ZNF407: variants seen among roughly 807,000 people sequenced by gnomAD.
ZNF407 encodes the protein zinc finger protein 407.
ZNF407 carries 17 observed loss-of-function variants against 131.2 expected under a neutral mutation model. The ratio of observed to expected loss-of-function variants is 0.13; its 90% CI spans 0.09 to 0.19. The LOEUF is 0.19. ZNF407 is among the 10% of genes least tolerant of loss of function. The pLI is 1.00. For missense variants in ZNF407, 2,681 were observed against 2,830.6 expected, an observed-to-expected ratio of 0.95 and a Z score of 1.20; for synonymous variants, 1,156 against 1,062.0, an observed-to-expected ratio of 1.09 and a Z score of -1.72.
chr18:75,056,192 T>G (rs776296216), intron 8 of ZNF407, among the ~76,000 whole-genome samples: 7 of 152,330 alleles, frequency 4.6e-5, no homozygotes, highest in African/African-American at 7.2e-5. Flanking sequence ...CTGAGATAAA[T>G]CTCACTAGTT....
intron 7 of ZNF407, among the ~76,000 whole-genome samples, chr18:74,900,513 A>T (rs1226576019): frequency 6.6e-6 from 1 of 152,210 alleles, no homozygotes; most frequent in Non-Finnish European, 1.5e-5. Context: ...TGTTTCACTA[A>T]TTTAACAAGC....
At chr18:74,729,489 G>T (rs1262294918) in intron 3 of ZNF407, among the ~76,000 whole-genome samples, 2 of 151,816 alleles carry the variant, frequency 1.3e-5, no homozygotes, top group Non-Finnish European at 2.9e-5. Context: ...GTCAAGTGTG[G>T]TTTGTGTGTG....
chr18:75,058,777 A>C (rs992165212), intron 8 of ZNF407, among the ~76,000 whole-genome samples: 1 of 152,236 alleles, frequency 6.6e-6, no homozygotes, highest in African/African-American at 2.4e-5. Flanking sequence ...TACCCAGTAC[A>C]TTCTTGGTCA....
At chr18:75,022,943 G>A (rs8097915) in intron 8 of ZNF407, among the ~76,000 whole-genome samples, 24,776 of 152,140 alleles carry the variant, frequency 0.16, 2,202 homozygotes, top group Admixed American at 0.27. Flanking sequence ...ATGCTCATCA[G>A]TGATAGACTG....
At chr18:74,693,490 C>T (rs755540618) in intron 3 of ZNF407, among the ~76,000 whole-genome samples, 20 of 152,160 alleles carry the variant, frequency 1.3e-4, no homozygotes, top group Non-Finnish European at 2.6e-4. Context: ...AAAATCACTA[C>T]TTTCTCTTCA....
intron 4 of ZNF407, among the ~76,000 whole-genome samples, chr18:74,828,713 T>C (rs1417767254): frequency 7.7e-6 from 1 of 129,786 alleles, no homozygotes; most frequent in Non-Finnish European, 1.8e-5. Context: ...GTGGGAGCCA[T>C]GTTTCAGTTT....
In ZNF407 at chr18:75,049,105, G is replaced by T. The variant is rs796807329; in HGVS notation, c.5429-14045G>T. On this transcript the variant is annotated intron_variant, in intron 8 of 8. Transcript: ENST00000299687. ...GGTAGTATTTTTTTTTTTTGGGTGG[G>T]GGGGGGGTGGGGGAGTTGTTCGTCA... 1.6e-3 allele frequency among the ~76,000 whole-genome samples: 235 copies of T among 149,348 alleles called. 4 individuals are homozygous for T. The highest frequency in any genetic ancestry group is 5.7e-3 in the African/African-American group (226 of 39,704).
chr18:75,055,354 CTG>C (rs1027979081), intron 8 of ZNF407, among the ~76,000 whole-genome samples: 4 of 152,180 alleles, frequency 2.6e-5, no homozygotes, highest in Non-Finnish European at 5.9e-5. Flanking sequence ...CACGATCTCT[CTG>C]TGTAGCTCAC....
intron 8 of ZNF407, among the ~76,000 whole-genome samples, chr18:74,936,017 G>T (rs943003867): frequency 6.6e-6 from 1 of 152,140 alleles, no homozygotes; most frequent in Non-Finnish European, 1.5e-5. Flanking sequence ...CTCAATCAAA[G>T]AAGTAATTTT....
intron 3 of ZNF407, among the ~76,000 whole-genome samples, chr18:74,688,107 A>G (rs1280137743): frequency 6.6e-6 from 1 of 152,242 alleles, no homozygotes; most frequent in East Asian, 1.9e-4. Flanking sequence ...TATGGAATAC[A>G]AAGTTCCATA....
At position 74,682,426 on chromosome 18, in the gene ZNF407, G is replaced by T. The variant is rs111473230; in HGVS notation, c.4802+41304G>T. ...GTGGCGTGGGTGGTACTTCAGCTTC[G>T]TAGTAGTGCCATGTCCATCATTCTT... On this transcript the variant is annotated intron_variant, in intron 3 of 8. Coordinates refer to ENST00000299687, the MANE Select transcript of ZNF407 (RefSeq NM_017757.3). 9.2e-3 allele frequency among the ~76,000 whole-genome samples: 1,404 copies of T among 152,238 alleles called. 27 individuals carry two copies. The highest frequency in any genetic ancestry group is 0.032 in the African/African-American group (1,326 of 41,534).
At chr18:74,974,198 C>A (rs72981581) in intron 8 of ZNF407, among the ~76,000 whole-genome samples, 1 of 152,080 alleles carries the variant, frequency 6.6e-6, no homozygotes, top group East Asian at 1.9e-4. Context: ...TCGAAGTAGA[C>A]GATTTTTCTT....
intron 8 of ZNF407, among the ~76,000 whole-genome samples, chr18:74,992,344 C>CAGTT (rs1372850324): frequency 6.6e-6 from 1 of 152,084 alleles, no homozygotes; most frequent in African/African-American, 2.4e-5. Context: ...AGGAGACAGG[C>CAGTT]AGTTACCATA....
At chr18:74,636,872 C>T (rs530626820) in intron 2 of ZNF407, among the ~76,000 whole-genome samples, 1 of 152,368 alleles carries the variant, frequency 6.6e-6, no homozygotes, top group South Asian at 2.1e-4. Context: ...CAGTATCTCT[C>T]TCAGTGCCTT....
intron 4 of ZNF407, among the ~76,000 whole-genome samples, chr18:74,837,156 C>T (rs893854476): frequency 1.3e-5 from 2 of 152,176 alleles, no homozygotes; most frequent in Non-Finnish European, 2.9e-5. Context: ...TGTATTTACA[C>T]ATGACTGTCT....
chr18:74,906,723 G>C (rs919231081), intron 7 of ZNF407, among the ~76,000 whole-genome samples: 8 of 151,484 alleles, frequency 5.3e-5, no homozygotes, highest in Non-Finnish European at 8.8e-5. Flanking sequence ...ATATGTATGT[G>C]CATATATTTC....
chr18:74,966,741 G>A (rs1387696111), intron 8 of ZNF407, among the ~76,000 whole-genome samples: 11 of 152,170 alleles, frequency 7.2e-5, no homozygotes, highest in Admixed American at 7.2e-4. Context: ...TCTGTAGATT[G>A]TTTTGGGTGA....
intron 1 of ZNF407, among the ~76,000 whole-genome samples, chr18:74,621,642 G>T (rs990732807): frequency 2.0e-5 from 3 of 152,136 alleles, no homozygotes; most frequent in African/African-American, 7.2e-5. Flanking sequence ...GGGAGGGCAT[G>T]CAGGAAGCAC....
chr18:74,805,224 A>T (rs867096393), intron 4 of ZNF407, among the ~76,000 whole-genome samples: 1 of 152,312 alleles, frequency 6.6e-6, no homozygotes. Flanking sequence ...AACTTCTATA[A>T]TGAAAATAAT....
Sources: gnomAD v4.1 joint callset for allele counts (sites outside exome capture counted in the v4.1 genomes callset) on GRCh38, gnomAD v4.1.1 for gene constraint, MANE v1.5 for transcripts, NCBI Gene and HGNC (gene_info 2026-07-23, HGNC 2026-07-21) for gene names.